Variants in RIMBP2 observed in about 807,000 individuals in gnomAD.
RIMBP2 encodes RIMS-binding protein 2.
RIMBP2 carries 48 observed loss-of-function variants against 118.6 expected under a neutral mutation model. The ratio of observed to expected loss-of-function variants is 0.40; its 90% CI spans 0.32 to 0.51. The LOEUF (loss-of-function observed/expected upper bound fraction) is 0.51, where lower values mean the gene tolerates loss of function less well. Ranked by LOEUF, RIMBP2 falls within the 20% of genes least tolerant of loss-of-function variation. The pLI is 0.41. For synonymous variants in RIMBP2, 762 were observed against 742.9 expected (o/e 1.03, Z -0.42); for missense variants, 1,551 against 1,768.3 (o/e 0.88, Z 2.20).
rs1415521048 is a variant in RIMBP2, at chr12:130,420,725, A to G, written c.3238+1728T>C. 6.6e-6 allele frequency among the ~76,000 whole-genome samples: 1 copy of G among 152,336 alleles called. No individual in the cohort carries two copies. The highest frequency in any genetic ancestry group is 1.9e-4 in the East Asian group (1 of 5,178). ...TGAGTCTAAGTCCAAGCAACAAGAC[A>G]ACCCAGGACAGTAGATTTAAACCAG... On this transcript the variant is annotated intron_variant, in intron 17 of 22. Transcript: ENST00000690449. The surrounding 1 kb of genome is among the most constrained non-coding windows in gnomAD (Gnocchi z 4.3).
intron 6 of RIMBP2, among the ~76,000 whole-genome samples, chr12:130,458,622 G>A (rs1398376397): frequency 2.6e-5 from 4 of 152,236 alleles, no homozygotes; most frequent in Non-Finnish European, 4.4e-5. Flanking sequence ...CACCCATGGG[G>A]CACTCGCGGA....
intron 3 of RIMBP2, among the ~76,000 whole-genome samples, chr12:130,512,838 A>G (rs2051060646): frequency 6.6e-6 from 1 of 152,236 alleles, no homozygotes; most frequent in East Asian, 1.9e-4. Context: ...CAAGATGAAC[A>G]ACAGTTCCCT....
At chr12:130,631,135 A>T (rs952812699) in intron 1 of RIMBP2, among the ~76,000 whole-genome samples, 2 of 152,196 alleles carry the variant, frequency 1.3e-5, no homozygotes, top group East Asian at 3.9e-4. Context: ...GAGACTCAAG[A>T]AAAGCTTTTG....
At chr12:130,473,508 T>C (rs1007786948) in intron 5 of RIMBP2, among the ~76,000 whole-genome samples, 3 of 152,144 alleles carry the variant, frequency 2.0e-5, no homozygotes, top group Admixed American at 1.3e-4. Flanking sequence ...CTAGGTTGGA[T>C]GGGGCACAGA....
chr12:130,573,444 G>A (rs2057847239), intron 2 of RIMBP2, among the ~76,000 whole-genome samples: 1 of 151,968 alleles, frequency 6.6e-6, no homozygotes. Flanking sequence ...GTGTGCGTGG[G>A]TGCGTGCGTG....
intron 5 of RIMBP2, among the ~76,000 whole-genome samples, chr12:130,471,499 T>C (rs117998013): frequency 0.02 from 2,973 of 152,308 alleles, 85 homozygotes; most frequent in East Asian, 0.16. Flanking sequence ...CTCGGCATAG[T>C]TCCTTGAGTC....
intron 2 of RIMBP2, among the ~76,000 whole-genome samples, chr12:130,601,291 A>C (rs2059861094): frequency 7.3e-6 from 1 of 136,132 alleles, no homozygotes; most frequent in African/African-American, 2.7e-5. Flanking sequence ...CCTAAAAGCC[A>C]CGGGCTGCTC....
intron 11 of RIMBP2, among the ~76,000 whole-genome samples, chr12:130,439,444 GGTGTGGGT>G (rs71966085): frequency 0.072 from 10,076 of 139,728 alleles, 463 homozygotes; most frequent in East Asian, 0.24. Flanking sequence ...TGGGTGTGTG[GGTGTGGGT>G]GTGTGGGTGT....
intron 2 of RIMBP2, among the ~76,000 whole-genome samples, chr12:130,558,312 T>A (rs2056538242): frequency 6.6e-6 from 1 of 152,106 alleles, no homozygotes; most frequent in African/African-American, 2.4e-5. Flanking sequence ...AATAAACATT[T>A]CCACAGTTAT....
chr12:130,410,690 G>T (rs184257305), intron 19 of RIMBP2, among the ~76,000 whole-genome samples: 94 of 152,254 alleles, frequency 6.2e-4, no homozygotes, highest in African/African-American at 2.1e-3. Flanking sequence ...TCTGTTTCTG[G>T]ACTTCATTCT....
chr12:130,553,904 C>T (rs2056084207), intron 2 of RIMBP2, among the ~76,000 whole-genome samples: 1 of 152,058 alleles, frequency 6.6e-6, no homozygotes, highest in Non-Finnish European at 1.5e-5. Context: ...TGGTGGTGGC[C>T]TCAAAGAATA....
At chr12:130,575,513 A>G (rs1200857392) in intron 2 of RIMBP2, among the ~76,000 whole-genome samples, 3 of 152,100 alleles carry the variant, frequency 2.0e-5, no homozygotes, top group African/African-American at 4.8e-5. Context: ...ACTTTCACCA[A>G]CGTTACAGTG....
chr12:130,598,430 C>G (rs1259687924), intron 2 of RIMBP2, among the ~76,000 whole-genome samples: 2 of 151,770 alleles, frequency 1.3e-5, no homozygotes, highest in Non-Finnish European at 2.9e-5. Flanking sequence ...TAGACCCTGC[C>G]AAAAAAACAA....
At chr12:130,459,409 C>T (rs1257730282) in intron 6 of RIMBP2, among the ~76,000 whole-genome samples, 2 of 152,108 alleles carry the variant, frequency 1.3e-5, no homozygotes, top group Non-Finnish European at 2.9e-5. Flanking sequence ...ACAGAGACAC[C>T]ACCACCGGGA....
chr12:130,713,801 C>A (rs779793968), intron 1 of RIMBP2, among the ~76,000 whole-genome samples: 1 of 152,172 alleles, frequency 6.6e-6, no homozygotes, highest in African/African-American at 2.4e-5. Context: ...TTGGCACTTG[C>A]GGGTCTAGAC....
intron 17 of RIMBP2, among the ~76,000 whole-genome samples, chr12:130,415,991 A>C (rs2076078927): frequency 6.7e-6 from 1 of 148,346 alleles, no homozygotes; most frequent in Non-Finnish European, 1.5e-5. Flanking sequence ...AATATACAGA[A>C]TACATCTAAC....
intron 1 of RIMBP2, among the ~76,000 whole-genome samples, chr12:130,631,363 A>T (rs1024147880): frequency 6.6e-6 from 1 of 152,078 alleles, no homozygotes; most frequent in Non-Finnish European, 1.5e-5. Context: ...CTATGTGTAT[A>T]GACTGGGGGA....
At chr12:130,603,378 T>C (rs901693) in intron 2 of RIMBP2, among the ~76,000 whole-genome samples, 103,789 of 152,090 alleles carry the variant, frequency 0.68, 35,588 homozygotes, top group South Asian at 0.81. Context: ...TCAACACATG[T>C]GCTCGGAAGG....
rs2061325717 is a variant in RIMBP2 at position 130,621,736 on chromosome 12, G to C, written c.-217+6586C>G. Among the ~76,000 whole-genome samples the C allele has an allele frequency of 6.6e-6, 1 of 152,122 alleles. No individual in the cohort carries two copies. The highest frequency in any genetic ancestry group is 6.5e-5 in the Admixed American group (1 of 15,274). ...GTGAAATGGATGATACCGAGACCTG[G>C]GTACCATAGCTGGAAGTGTGACTAT... On this transcript the variant is annotated intron_variant, in intron 2 of 22. Coordinates refer to ENST00000690449, the MANE Select transcript of RIMBP2 (RefSeq NM_001393629.1). This position sits in a 1 kb window ranked among gnomAD's most constrained non-coding sequence, Gnocchi z 6.6.
Sources: allele counts gnomAD v4.1 joint callset (sites outside exome capture counted in the v4.1 genomes callset), GRCh38; gene constraint gnomAD v4.1.1; non-coding constraint Gnocchi (gnomAD v3.1); transcripts MANE v1.5; gene names NCBI Gene and HGNC (gene_info 2026-07-23, HGNC 2026-07-21).